Variants in SLC37A1 observed in about 807,000 individuals in gnomAD.
SLC37A1 encodes the protein solute carrier family 37 member 1.
Under a neutral mutation model 75.3 loss-of-function variants are expected in SLC37A1, and 49 were observed. The observed-to-expected ratio is 0.65, with a 90% CI of 0.52 to 0.83. The LOEUF is 0.83. Among genes scored for constraint, SLC37A1 ranks in the 40% least tolerant of loss-of-function variants. The pLI, the probability that SLC37A1 is intolerant of heterozygous loss-of-function variation, is 0.00. For missense variants in SLC37A1, 566 were observed against 695.0 expected, an observed-to-expected ratio of 0.81 and a Z score of 2.09; for synonymous variants, 268 against 292.1, an observed-to-expected ratio of 0.92 and a Z score of 0.84.
rs957692517 is a variant in SLC37A1 at position 42,547,464 on chromosome 21, G to T, written c.768+324G>T. 2.0e-5 allele frequency: 6 copies of T among 295,930 alleles called. No homozygotes were observed. The highest frequency in any genetic ancestry group is 1.1e-4 in the African/African-American group (5 of 46,218). The allele number at this position is 295,930 out of a possible 1,614,324, so 18.3% of individuals were successfully genotyped here. On this transcript the variant is annotated intron_variant, in intron 9 of 19. Coordinates refer to ENST00000352133, the MANE Select transcript of SLC37A1 (RefSeq NM_001320537.2). The surrounding 1 kb of genome is among the most constrained non-coding windows in gnomAD (Gnocchi z 6.1). ...TCCCCAGGGGCCTCAGTGTGACGGGGAAAAACGCACGTGTCAGCTGCCTGC... is the reference window on the plus strand; with the variant it reads ...TCCCCAGGGGCCTCAGTGTGACGGGTAAAAACGCACGTGTCAGCTGCCTGC...
In SLC37A1 at chr21:42,552,862, G is replaced by A. The variant is rs1220837224; in HGVS notation, c.769-1200G>A. On this transcript the variant is annotated intron_variant, in intron 9 of 19. Coordinates refer to ENST00000352133, the MANE Select transcript of SLC37A1 (RefSeq NM_001320537.2). This position sits in a 1 kb window ranked among gnomAD's most constrained non-coding sequence, Gnocchi z 4.2. ...CGGGGGACGGGGGGCCGAGTGCTGG[G>A]GAGCAGGAACCCATCTCTGCTTCTG... is the stretch of plus-strand genomic sequence containing the variant. Among the ~76,000 whole-genome samples the A allele has an allele frequency of 6.6e-6, 1 of 152,206 alleles. No individual in the cohort carries two copies. Among genetic ancestry groups the A allele is most frequent in the East Asian group, 1.9e-4 (1 of 5,198 alleles).
intron 8 of SLC37A1, among the ~76,000 whole-genome samples, chr21:42,546,589 G>A (rs1037160159): frequency 6.6e-5 from 10 of 152,288 alleles, no homozygotes; most frequent in East Asian, 1.9e-4. Flanking sequence ...TAGCGTTCAC[G>A]TTCACAGTGT....
intron 15 of SLC37A1, 38 bp downstream of exon 15, chr21:42,565,913 G>A (rs879090878): frequency 5.0e-6 from 8 of 1,593,584 alleles, no homozygotes; most frequent in East Asian, 2.2e-5. Flanking sequence ...TTCCACACAC[G>A]TTTTTAAAGT....
chr21:42,543,292 G>C, intron 7 of SLC37A1, 144 bp from the exon 8 acceptor site: 1 of 929,798 alleles, frequency 1.1e-6, no homozygotes, highest in Non-Finnish European at 1.7e-6. Context: ...CGCGAGTCCT[G>C]CATGGCACAG....
At chr21:42,523,446 G>A (rs558855578) in intron 2 of SLC37A1, among the ~76,000 whole-genome samples, 52 of 152,348 alleles carry the variant, frequency 3.4e-4, no homozygotes, top group African/African-American at 1.2e-3. Flanking sequence ...CCAGTGGCCT[G>A]GAATCTTCCT....
rs1042240198 is a variant in SLC37A1 at position 42,548,172 on chromosome 21, C to T, written c.768+1032C>T. ...GCGGCCTCCTCTCTCCTTGTCTGCC[C>T]GCTCACTGCAGGAGAGCGCGCTCGG... On this transcript the variant is annotated intron_variant, in intron 9 of 19. Coordinates refer to ENST00000352133, the MANE Select transcript of SLC37A1 (RefSeq NM_001320537.2). The surrounding 1 kb of genome is among the most constrained non-coding windows in gnomAD (Gnocchi z 5.6). 1.3e-5 allele frequency among the ~76,000 whole-genome samples: 2 copies of T among 152,136 alleles called. No individual in the cohort carries two copies. Among genetic ancestry groups the T allele is most frequent in the Non-Finnish European group, 2.9e-5 (2 of 68,012 alleles).
At chr21:42,562,458 C>T (rs1055368596) in intron 12 of SLC37A1, among the ~76,000 whole-genome samples, 2 of 152,162 alleles carry the variant, frequency 1.3e-5, no homozygotes, top group East Asian at 1.9e-4. Context: ...TGCGTTTAAA[C>T]GTGGGCTACA....
rs112547170 is a variant in SLC37A1 at position 42,518,652 on chromosome 21, T to A, written c.56+142T>A. The stretch of plus-strand genomic sequence containing the variant: ...CTCACCCATAACCGTTGAATTGCTT[T>A]TTGGTGGTGGAAGCCGTGACCCAGA... On this transcript the variant is annotated intron_variant, in intron 2 of 19. Coordinates refer to ENST00000352133, the MANE Select transcript of SLC37A1 (RefSeq NM_001320537.2). The A allele has an allele frequency of 2.7e-4, 258 of 960,438 alleles. 2 individuals are homozygous for A. The African/African-American group carries it at 3.6e-3, about 13-fold the overall frequency. 59.5% of individuals were successfully genotyped at this position (960,438 alleles called of 1,614,324 possible).
intron 3 of SLC37A1, among the ~76,000 whole-genome samples, chr21:42,526,414 C>G (rs963088248): frequency 2.0e-5 from 3 of 152,342 alleles, no homozygotes; most frequent in Middle Eastern, 3.4e-3. Flanking sequence ...CGTCACCCGG[C>G]CTGTAGACCA....
Position 42,545,735 on chromosome 21 carries a change from A to T in SLC37A1, c.731-1368A>T, listed in dbSNP as rs1207242357. Among the ~76,000 whole-genome samples, 1 of 152,250 alleles carries T rather than the reference A, an allele frequency of 6.6e-6. No homozygotes were observed. Among genetic ancestry groups the T allele is most frequent in the Admixed American group, 6.5e-5 (1 of 15,292 alleles). On this transcript the variant is annotated intron_variant, in intron 8 of 19. Transcript: ENST00000352133. This position sits in a 1 kb window ranked among gnomAD's most constrained non-coding sequence, Gnocchi z 4.0. ...ACTGTGAGTGGATACCGATGGGGTG[A>T]GTTGGCTGATGTCCTTTAAATTGGT...
At chr21:42,520,777 G>A (rs557407162) in intron 2 of SLC37A1, among the ~76,000 whole-genome samples, 1 of 152,330 alleles carries the variant, frequency 6.6e-6, no homozygotes, top group Admixed American at 6.5e-5. Flanking sequence ...AAGGAGCCAG[G>A]AGTCCTTGGA....
chr21:42,572,079 C>A (rs1166444176), intron 17 of SLC37A1, among the ~76,000 whole-genome samples: 2 of 152,226 alleles, frequency 1.3e-5, no homozygotes, highest in Non-Finnish European at 2.9e-5. Flanking sequence ...TGCAAGCTTA[C>A]AAGTGCGTGA....
intron 2 of SLC37A1, among the ~76,000 whole-genome samples, chr21:42,505,171 C>A (rs982800888): frequency 6.6e-5 from 10 of 152,154 alleles, no homozygotes; most frequent in Admixed American, 5.9e-4. Flanking sequence ...AGTTTAAAAT[C>A]TTTCAGTAGT....
In SLC37A1 at chr21:42,547,283, A is replaced by C; in HGVS notation, c.768+143A>C. 1.2e-6 allele frequency: 1 copy of C among 863,568 alleles called. No individual in the cohort carries two copies. Among genetic ancestry groups the C allele is most frequent in the Non-Finnish European group, 1.9e-6 (1 of 531,938 alleles). The allele number at this position is 863,568 out of a possible 1,614,324, so 53.5% of individuals were successfully genotyped here. ...CCCTCAAAACATTGGCAGTTCTAGG[A>C]ATAGAGAATATTCTGTTTTGGGTTT... On this transcript the variant is annotated intron_variant, in intron 9 of 19. Coordinates refer to ENST00000352133, the MANE Select transcript of SLC37A1 (RefSeq NM_001320537.2). The surrounding 1 kb of genome is among the most constrained non-coding windows in gnomAD (Gnocchi z 6.1).
chr21:42,579,035 G>A (rs994437100), intron 18 of SLC37A1, among the ~76,000 whole-genome samples: 1 of 152,240 alleles, frequency 6.6e-6, no homozygotes, highest in East Asian at 1.9e-4. Flanking sequence ...GGAGAGACTG[G>A]ATCCACACTG....
Position 42,534,685 on chromosome 21 carries a change from C to G in SLC37A1, c.139-13C>G. 6.2e-7 allele frequency: 1 copy of G among 1,604,076 alleles called. No homozygotes were observed. The highest frequency in any genetic ancestry group is 8.5e-7 in the Non-Finnish European group (1 of 1,172,948). On this transcript the variant is annotated splice_polypyrimidine_tract_variant and intron_variant, in intron 3 of 19. Coordinates refer to ENST00000352133, the MANE Select transcript of SLC37A1 (RefSeq NM_001320537.2). ...CTTCCTCTCCCTGCTTCTGCCCTCCCATCACGTCCCAGGGTGAGCTCCACA... is the reference window on the plus strand; with the variant it reads ...CTTCCTCTCCCTGCTTCTGCCCTCCGATCACGTCCCAGGGTGAGCTCCACA...
At chr21:42,517,344 A>T (rs1311574457) in intron 1 of SLC37A1, among the ~76,000 whole-genome samples, 2 of 152,184 alleles carry the variant, frequency 1.3e-5, no homozygotes, top group African/African-American at 4.8e-5. Context: ...AATCCCACCT[A>T]TTCAGGCCCT....
chr21:42,500,328 G>A (rs1314779540), intron 1 of SLC37A1, among the ~76,000 whole-genome samples: 1 of 152,174 alleles, frequency 6.6e-6, no homozygotes, highest in Non-Finnish European at 1.5e-5. Context: ...TTTTAAAATA[G>A]TGTTGGTAGT....
chr21:42,571,518 G>A (rs889282244), intron 17 of SLC37A1, among the ~76,000 whole-genome samples: 11 of 152,252 alleles, frequency 7.2e-5, no homozygotes, highest in East Asian at 5.8e-4. Flanking sequence ...GTACAGCGGC[G>A]TTCCGTCCCC....
Sources: gnomAD v4.1 joint callset for allele counts (sites outside exome capture counted in the v4.1 genomes callset) on GRCh38, gnomAD v4.1.1 for gene constraint, Gnocchi (gnomAD v3.1) non-coding constraint, MANE v1.5 for transcripts, NCBI Gene and HGNC (gene_info 2026-07-23, HGNC 2026-07-21) for gene names.